Variants in SLX4 observed in about 807,000 individuals in gnomAD.
SLX4 encodes the protein structure-specific endonuclease subunit SLX4.
In SLX4, 112 loss-of-function variants were observed where a neutral mutation model predicts 146.2. The observed-to-expected ratio is 0.77, with a 90% CI of 0.66 to 0.90. The LOEUF (loss-of-function observed/expected upper bound fraction) is 0.90, where lower values mean the gene tolerates loss of function less well. Ranked by LOEUF, SLX4 falls within the 40% of genes least tolerant of loss-of-function variation. The pLI is 0.00. For synonymous variants in SLX4, 1,061 were observed against 997.7 expected, an observed-to-expected ratio of 1.06 and a Z score of -1.20; for missense variants, 2,563 against 2,392.7, an observed-to-expected ratio of 1.07 and a Z score of -1.49.
At chr16:3,587,840 C>T (rs1245423878) in intron 12 of SLX4, among the ~76,000 whole-genome samples, 1 of 152,198 alleles carries the variant, frequency 6.6e-6, no homozygotes, top group East Asian at 1.9e-4. Flanking sequence ...GCCCCCAGGC[C>T]GCAGGCAGGT....
At position 3,591,321 on chromosome 16, in the gene SLX4, A is replaced by C; in HGVS notation, c.2328-11T>G. ...TCACTCACGCCAAACCTGCAACACG[A>C]AACATCGACAGTCATCGCCCCTCTG... On this transcript the variant is annotated splice_polypyrimidine_tract_variant and intron_variant, in intron 11 of 14. Coordinates refer to ENST00000294008, the MANE Select transcript of SLX4 (RefSeq NM_032444.4). 2 of 1,609,258 alleles carry C rather than the reference A, an allele frequency of 1.2e-6. No homozygotes were observed. Among genetic ancestry groups the C allele is most frequent in the African/African-American group, 1.3e-5 (1 of 75,018 alleles).
Position 3,597,303 on chromosome 16 carries a change from G to T in SLX4, c.1683+76C>A. The T allele has an allele frequency of 7.0e-7, 1 of 1,427,928 alleles. No homozygotes were observed. The highest frequency in any genetic ancestry group is 9.3e-7 in the Non-Finnish European group (1 of 1,075,700). The allele number at this position is 1,427,928 out of a possible 1,614,324, so 88.5% of individuals were successfully genotyped here. ...CTGGACTTTCCATCACCTGGCTGTG[G>T]GTACCCAGTGTTGCAGTTCTGGGAT... On this transcript the variant is annotated intron_variant, in intron 7 of 14. Transcript: ENST00000294008. This position sits in a 1 kb window ranked among gnomAD's most constrained non-coding sequence, Gnocchi z 4.4.
rs372321470 is a variant in SLX4, at chr16:3,589,211, G to C, written c.4427C>G (p.Thr1476Ser). The change falls in exon 12 of 15, where the codon ACC becomes AGC. Residue 1476 changes from threonine to serine, a missense_variant. By Grantham distance (58) the Thr-to-Ser change is moderately conservative. Transcript: ENST00000294008. This position sits in a 1 kb window ranked among gnomAD's most constrained non-coding sequence, Gnocchi z 6.2. ...GGTAGTGCAGCTTCCTCGGATGGGG[G>C]TGGTGTCCAGGAGTCCCGGGGAGCG... Reference protein sequence around the residue: ...DCRSPGLLDTTPIRGSCTTQR... With the variant: ...DCRSPGLLDTSPIRGSCTTQR... 20 of 1,613,888 alleles carry C rather than the reference G, an allele frequency of 1.2e-5. No homozygotes were observed. Among genetic ancestry groups the C allele is most frequent in the Non-Finnish European group, 1.6e-5 (19 of 1,179,790 alleles).
At chr16:3,594,090 A>C (rs1326487498) in intron 10 of SLX4, among the ~76,000 whole-genome samples, 1 of 151,904 alleles carries the variant, frequency 6.6e-6, no homozygotes, top group African/African-American at 2.4e-5. Context: ...GATGGTCTTG[A>C]TCTCCTGACC....
chr16:3,608,539 A>G lies in SLX4; in HGVS notation c.426T>C (p.Gly142=), dbSNP rs377500336. 1 of 1,613,476 alleles carries G rather than the reference A, an allele frequency of 6.2e-7. No individual in the cohort carries two copies. The highest frequency in any genetic ancestry group is 8.5e-7 in the Non-Finnish European group (1 of 1,179,916). ...EPAHSVNGEG[G]VLASAPDPPV... is the part of the protein sequence containing the mutation. Reference sequence around the variant, plus strand: ...GTGGATCTGGAGCAGAGGCAAGCACACCCCCCTCCCCATTCACAGAGTGGG... The same window carrying G: ...GTGGATCTGGAGCAGAGGCAAGCACGCCCCCCTCCCCATTCACAGAGTGGG... The change falls in exon 2 of 15, where the codon GGT becomes GGC. Residue 142 remains glycine, a synonymous_variant. Transcript: ENST00000294008.
In SLX4 at chr16:3,584,849, GTTC is replaced by G. The variant is rs760517738; in HGVS notation, c.4656_4658del (p.Lys1552del). The G allele has an allele frequency of 1.6e-5, 26 of 1,613,674 alleles. No homozygotes were observed. The highest frequency in any genetic ancestry group is 1.9e-5 in the Non-Finnish European group (22 of 1,179,678). ...GCGTTATGGGCACTTTGGGGGGCAA[GTTC>G]TTCTTCCGATTAGCACCTTCTGGGT... On this transcript the variant is annotated inframe_deletion, in exon 13 of 15. Coordinates refer to ENST00000294008, the MANE Select transcript of SLX4 (RefSeq NM_032444.4).
chr16:3,610,673 C>T (rs1350882729), intron 1 of SLX4, among the ~76,000 whole-genome samples: 2 of 152,192 alleles, frequency 1.3e-5, no homozygotes, highest in African/African-American at 4.8e-5. Flanking sequence ...TTTTATTCAT[C>T]GGCTTATTAT....
rs551495566 is a variant in SLX4 at position 3,582,562 on chromosome 16, G to A, written c.5285C>T (p.Ser1762Phe). ...TDEALRCYIR[S>F]KPALYQKVLL... ...CACCTTCTGGTACAGGGCCGGCTTG[G>A]AGCGGATGTAGCACCTCAGCGCCTC... The change falls in exon 15 of 15, where the codon TCC becomes TTC. Residue 1762 changes from serine (S) to phenylalanine (F), a missense_variant. Ser to Phe is a radical substitution (Grantham distance 155). Coordinates refer to ENST00000294008, the MANE Select transcript of SLX4 (RefSeq NM_032444.4). 7.4e-6 allele frequency: 12 copies of A among 1,613,826 alleles called. No homozygotes were observed. The South Asian group carries it at 1.2e-4, about 16-fold the overall frequency.
At position 3,590,181 on chromosome 16, in the gene SLX4, G is replaced by C. The variant is rs749097358; in HGVS notation, c.3457C>G (p.Leu1153Val). 2 of 1,614,192 alleles carry C rather than the reference G, an allele frequency of 1.2e-6. No homozygotes were observed. Among genetic ancestry groups the C allele is most frequent in the South Asian group, 2.2e-5 (2 of 91,086 alleles). Residue 1153 changes from leucine (L) to valine (V), a missense_variant, in exon 12 of 15, where the codon CTC becomes GTC. Coordinates refer to ENST00000294008, the MANE Select transcript of SLX4 (RefSeq NM_032444.4). The surrounding 1 kb of genome is among the most constrained non-coding windows in gnomAD (Gnocchi z 4.8). ...SKLNEEDEVILLLDSDEELEL... is the reference protein window; with the variant it reads ...SKLNEEDEVIVLLDSDEELEL... Reference sequence around the variant, plus strand: ...AGCTCCTCATCCGAGTCCAGTAAGAGGATGACCTCATCTTCTTCGTTCAGT... The same window carrying C: ...AGCTCCTCATCCGAGTCCAGTAAGACGATGACCTCATCTTCTTCGTTCAGT...
Position 3,609,202 on chromosome 16 carries a change from T to C in SLX4, c.-238A>G. ...GGGGTGGATCACCTGAGGTCAGAAGTTCGAGACCAGCCTGGCCAATATGGT... is the reference window on the plus strand; with the variant it reads ...GGGGTGGATCACCTGAGGTCAGAAGCTCGAGACCAGCCTGGCCAATATGGT... On this transcript the variant is annotated 5_prime_UTR_variant, in exon 2 of 15. Coordinates refer to ENST00000294008, the MANE Select transcript of SLX4 (RefSeq NM_032444.4). 2.1e-6 allele frequency: 1 copy of C among 469,042 alleles called. No homozygotes were observed. Among genetic ancestry groups the C allele is most frequent in the Non-Finnish European group, 3.9e-6 (1 of 255,500 alleles). 29.1% of individuals were successfully genotyped at this position (469,042 alleles called of 1,614,324 possible).
At position 3,597,825 on chromosome 16, in the gene SLX4, G is replaced by C; in HGVS notation, c.1338C>G (p.Ala446=). The C allele has an allele frequency of 6.2e-7, 1 of 1,614,118 alleles. No homozygotes were observed. The highest frequency in any genetic ancestry group is 1.3e-5 in the African/African-American group (1 of 75,034). The change falls in exon 6 of 15, where the codon GCC becomes GCG. Residue 446 remains alanine, a synonymous_variant. Coordinates refer to ENST00000294008, the MANE Select transcript of SLX4 (RefSeq NM_032444.4). The surrounding 1 kb of genome is among the most constrained non-coding windows in gnomAD (Gnocchi z 4.4). ...AAVPALRLES[A]FSERIRPEAE... is the part of the protein sequence containing the mutation. ...CTTCTGGTCTTATCCTCTCAGAAAA[G>C]GCACTTTCCAGCCTGAGCGCTGGTA...
chr16:3,594,345 T>C, intron 10 of SLX4, 108 bp downstream of exon 10: 1 of 1,415,916 alleles, frequency 7.1e-7, no homozygotes, highest in Non-Finnish European at 9.6e-7. Context: ...TGAGGGAGAG[T>C]GGGGGGGTGG....
chr16:3,600,591 C>A (rs964889695), intron 5 of SLX4: 154 of 102,612 alleles, frequency 1.5e-3, no homozygotes, highest in Non-Finnish European at 2.3e-3. Flanking sequence ...CTATAAAAAG[C>A]TTTTTTTTTT....
At chr16:3,596,100 A>G (rs931791019) in intron 8 of SLX4, 53 bp downstream of exon 8, 14 of 1,530,740 alleles carry the variant, frequency 9.1e-6, no homozygotes, top group Non-Finnish European at 1.2e-5. Flanking sequence ...AGCCGCGGGG[A>G]GGGGAGGCCC....
chr16:3,583,159 T>G lies in SLX4; in HGVS notation c.5091A>C (p.Pro1697=), dbSNP rs1274947785. ...AGGTGGCCACGGATTCTTGAGAGGC[T>G]GGGATCTGGGCGTCATCATTGAGGC... is the stretch of plus-strand genomic sequence containing the variant. ...PPGLNDDAQI[P]ASQESVATSV... is the part of the protein sequence containing the mutation. Residue 1697 remains proline (P), a synonymous_variant, in exon 14 of 15, where the codon CCA becomes CCC. Transcript: ENST00000294008. The G allele has an allele frequency of 1.2e-6, 2 of 1,614,128 alleles. No homozygotes were observed. The highest frequency in any genetic ancestry group is 2.2e-5 in the South Asian group (2 of 91,092).
At chr16:3,584,559 G>A (rs766394567) in intron 13 of SLX4, among the ~76,000 whole-genome samples, 1 of 152,194 alleles carries the variant, frequency 6.6e-6, no homozygotes, top group Non-Finnish European at 1.5e-5. Context: ...ATGGTACGCA[G>A]AGAGAACTGG....
chr16:3,604,587 C>G (rs958125735), intron 3 of SLX4, among the ~76,000 whole-genome samples: 4 of 152,066 alleles, frequency 2.6e-5, no homozygotes, highest in African/African-American at 9.7e-5. Context: ...CTTTGGGAGA[C>G]TGAGGTGGAC....
rs1264184614 is a variant in SLX4, at chr16:3,608,613, G to A, written c.352C>T (p.Pro118Ser). Reference sequence around the variant, plus strand: ...GTTACCCTTTGCTTTTTAGTCCTAGGGGCCTGGCTGCCAGACGGAGGTTTC... The same window carrying A: ...GTTACCCTTTGCTTTTTAGTCCTAGAGGCCTGGCTGCCAGACGGAGGTTTC... ...EKKPPSGSQA[P>S]RTKKQRVTKW... The change falls in exon 2 of 15, where the codon CCT becomes TCT. Residue 118 changes from proline (P) to serine (S), a missense_variant. Transcript: ENST00000294008. The A allele has an allele frequency of 6.2e-7, 1 of 1,614,042 alleles. No individual in the cohort carries two copies. Among genetic ancestry groups the A allele is most frequent in the Non-Finnish European group, 8.5e-7 (1 of 1,180,032 alleles).
intron 3 of SLX4, 85 bp from the exon 4 acceptor site, chr16:3,602,392 C>T: frequency 6.6e-7 from 1 of 1,505,990 alleles, no homozygotes; most frequent in Non-Finnish European, 9.1e-7. Flanking sequence ...CTCCTGCAGA[C>T]CATGGGGAGC....
Sources: allele counts gnomAD v4.1 joint callset (sites outside exome capture counted in the v4.1 genomes callset), GRCh38; gene constraint gnomAD v4.1.1; non-coding constraint Gnocchi (gnomAD v3.1); transcripts MANE v1.5; gene names NCBI Gene and HGNC (gene_info 2026-07-23, HGNC 2026-07-21).